PEAK1: variants seen among roughly 807,000 people sequenced by gnomAD.
The protein encoded by PEAK1 is inactive tyrosine-protein kinase PEAK1.
In PEAK1, 54 loss-of-function variants were observed where a neutral mutation model predicts 124.7. The observed-to-expected ratio is 0.43, with a 90% CI of 0.35 to 0.54. The LOEUF (loss-of-function observed/expected upper bound fraction) is 0.54, where lower values mean the gene tolerates loss of function less well. PEAK1 is among the 20% of genes least tolerant of loss of function. The probability of loss-of-function intolerance (pLI) is 0.01; values close to 1 mark genes in which losing one functional copy is unlikely to be tolerated. For synonymous variants in PEAK1, 719 were observed against 760.0 expected (o/e 0.95, Z 0.89); for missense variants, 2,046 against 2,134.5 (o/e 0.96, Z 0.82).
At chr15:77,378,829 T>G (rs1357358130) in intron 1 of PEAK1, among the ~76,000 whole-genome samples, 1 of 152,168 alleles carries the variant, frequency 6.6e-6, no homozygotes. Flanking sequence ...TACCAAGAAT[T>G]GTGTTGGATT....
At chr15:77,226,343 T>C (rs1478763099) in intron 6 of PEAK1, among the ~76,000 whole-genome samples, 1 of 151,578 alleles carries the variant, frequency 6.6e-6, no homozygotes, top group East Asian at 1.9e-4. Context: ...AAAGATGAAG[T>C]TGCCATGATA....
intron 8 of PEAK1, among the ~76,000 whole-genome samples, chr15:77,149,494 TACTGAA>T (rs1386487799): frequency 2.6e-5 from 4 of 152,328 alleles, no homozygotes; most frequent in Non-Finnish European, 5.9e-5. Context: ...CATAAAACAT[TACTGAA>T]AGGAGTAGTT....
rs1302690334 is a variant in PEAK1 at position 77,404,739 on chromosome 15, TAA to T, written c.-666+15265_-666+15266del. On this transcript the variant is annotated intron_variant, in intron 1 of 9. Transcript: ENST00000682557. ...AGTAGGAGGTAGGATTTATTAATGA[TAA>T]AGTCTATGATACATTATCAGAAAAA... is the stretch of plus-strand genomic sequence containing the variant. The T allele has an allele frequency of 6.3e-6, 6 of 951,336 alleles. No individual in the cohort carries two copies. The African/African-American group carries it at 1.1e-4, about 17-fold the overall frequency. The allele number at this position is 951,336 out of a possible 1,614,324, so 58.9% of individuals were successfully genotyped here. A position where few individuals can be genotyped will look rare whatever the true frequency, so the allele number is the denominator to read the frequency against.
intron 8 of PEAK1, chr15:77,156,344 G>C (rs551904004): frequency 6.6e-6 from 1 of 152,464 alleles, no homozygotes; most frequent in African/African-American, 2.4e-5. Context: ...TTTTAAGCCC[G>C]TTGGAAAAGC....
At chr15:77,229,645 CTTTCTTT>C (rs1397317488) in intron 6 of PEAK1, among the ~76,000 whole-genome samples, 2 of 148,906 alleles carry the variant, frequency 1.3e-5, no homozygotes, top group East Asian at 4.0e-4. Flanking sequence ...TCTTTCTTTT[CTTTCTTT>C]TTTTTTTTTT....
intron 6 of PEAK1, among the ~76,000 whole-genome samples, chr15:77,246,584 TTTGA>T (rs2060599813): frequency 6.6e-6 from 1 of 152,196 alleles, no homozygotes; most frequent in African/African-American, 2.4e-5. Flanking sequence ...TGGGATTTTC[TTTGA>T]TTATTTTCAT....
At chr15:77,167,948 TCA>T (rs1048369082) in intron 7 of PEAK1, among the ~76,000 whole-genome samples, 2 of 152,146 alleles carry the variant, frequency 1.3e-5, no homozygotes, top group African/African-American at 4.8e-5. Flanking sequence ...CCAAGTGTTC[TCA>T]TTGTTCAATT....
At chr15:77,190,655 TG>T (rs371859061) in intron 6 of PEAK1, among the ~76,000 whole-genome samples, 43 of 152,168 alleles carry the variant, frequency 2.8e-4, no homozygotes, top group African/African-American at 1.0e-3. Flanking sequence ...TAAGAAATAA[TG>T]AGAAAAGAAA....
chr15:77,321,748 T>A (rs570476757), intron 2 of PEAK1, among the ~76,000 whole-genome samples: 1 of 152,328 alleles, frequency 6.6e-6, no homozygotes, highest in Non-Finnish European at 1.5e-5. Context: ...ATGTCCTGAA[T>A]GGTATTGCCT....
intron 9 of PEAK1, among the ~76,000 whole-genome samples, 190 bp downstream of exon 9, chr15:77,132,815 T>A (rs1203809655): frequency 1.3e-5 from 2 of 152,016 alleles, no homozygotes; most frequent in Non-Finnish European, 2.9e-5. Flanking sequence ...GTAATTCTGT[T>A]AAGTTACGTA....
chr15:77,304,054 T>C (rs2152994175), intron 2 of PEAK1, among the ~76,000 whole-genome samples: 2 of 152,314 alleles, frequency 1.3e-5, no homozygotes, highest in South Asian at 4.1e-4. Flanking sequence ...TATGTGTCTA[T>C]TCTTTCACCA....
intron 6 of PEAK1, among the ~76,000 whole-genome samples, chr15:77,205,365 G>A (rs1477554171): frequency 1.3e-5 from 2 of 151,654 alleles, no homozygotes; most frequent in African/African-American, 4.9e-5. Context: ...GGCTCTGACT[G>A]TCTTGGGTTT....
At chr15:77,349,615 CAT>C (rs1312455311) in intron 2 of PEAK1, 2 of 984,718 alleles carry the variant, frequency 2.0e-6, no homozygotes, top group Non-Finnish European at 2.4e-6. Context: ...ATACTGAATC[CAT>C]GTTTCTATCA....
At chr15:77,361,889 T>C (rs1467561169) in intron 2 of PEAK1, among the ~76,000 whole-genome samples, 2 of 151,698 alleles carry the variant, frequency 1.3e-5, no homozygotes, top group Non-Finnish European at 1.5e-5. Flanking sequence ...GAGAATGCTA[T>C]CTAGTCATGA....
chr15:77,333,799 T>A (rs1166672197), intron 2 of PEAK1: 2 of 840,370 alleles, frequency 2.4e-6, no homozygotes, highest in Admixed American at 6.2e-5. Flanking sequence ...GTTTTAATCA[T>A]TGCAGATTTA....
At chr15:77,140,113 A>G (rs1011767468) in intron 8 of PEAK1, among the ~76,000 whole-genome samples, 4 of 152,164 alleles carry the variant, frequency 2.6e-5, no homozygotes, top group African/African-American at 4.8e-5. Flanking sequence ...AAAAATTCCC[A>G]CAAAGAAAAC....
chr15:77,378,183 CAAT>C (rs1311769357), intron 1 of PEAK1, among the ~76,000 whole-genome samples: 14 of 98,270 alleles, frequency 1.4e-4, no homozygotes, highest in Admixed American at 8.9e-4. Context: ...CTCTGTATAA[CAAT>C]ATTATATATA....
chr15:77,139,180 G>A (rs376751006), intron 8 of PEAK1, among the ~76,000 whole-genome samples: 6 of 152,180 alleles, frequency 3.9e-5, no homozygotes, highest in South Asian at 2.1e-4. Flanking sequence ...TCAATATCAC[G>A]GTCTTCCACC....
intron 6 of PEAK1, among the ~76,000 whole-genome samples, chr15:77,189,191 ACT>A (rs944989988): frequency 1.8e-4 from 27 of 152,020 alleles, no homozygotes; most frequent in African/African-American, 6.3e-4. Flanking sequence ...ACAGAGCGAG[ACT>A]CTATCTCAAA....
Sources: gnomAD v4.1 joint callset for allele counts (sites outside exome capture counted in the v4.1 genomes callset) on GRCh38, gnomAD v4.1.1 for gene constraint, MANE v1.5 for transcripts, NCBI Gene and HGNC (gene_info 2026-07-23, HGNC 2026-07-21) for gene names.